MYBL1: variants seen among roughly 807,000 people sequenced by gnomAD.
MYBL1 encodes the protein myb-related protein A.
A neutral mutation model predicts 96.3 loss-of-function variants in MYBL1; 17 were observed. The observed-to-expected ratio is 0.18, with a 90% confidence interval of 0.12 to 0.26. The LOEUF (loss-of-function observed/expected upper bound fraction) is 0.26, where lower values mean the gene tolerates loss of function less well. Among genes scored for constraint, MYBL1 ranks in the 10% least tolerant of loss-of-function variants. The pLI is 1.00. For synonymous variants in MYBL1, 282 were observed against 292.7 expected (o/e 0.96, Z 0.37); for missense variants, 701 against 882.9 (o/e 0.79, Z 2.61).
intron 3 of MYBL1, among the ~76,000 whole-genome samples, chr8:66,599,852 T>C (rs1029389545): frequency 2.0e-5 from 3 of 151,840 alleles, no homozygotes; most frequent in Non-Finnish European, 4.4e-5. Flanking sequence ...TGGATTCACG[T>C]AGTTCAGCAG....
At position 66,613,024 on chromosome 8, in the gene MYBL1, A is replaced by C. The variant is rs1391780220; in HGVS notation, c.-186T>G. On this transcript the variant is annotated 5_prime_UTR_variant, in exon 1 of 16. Coordinates refer to ENST00000522677, the MANE Select transcript of MYBL1 (RefSeq NM_001080416.4). Reference sequence around the variant, plus strand: ...GACAGCGGGGGCGGACCGCGACCCGACCCCGACCCCGGCCCGCAGCGCCGC... The same window carrying C: ...GACAGCGGGGGCGGACCGCGACCCGCCCCCGACCCCGGCCCGCAGCGCCGC... 9 of 555,308 alleles carry C rather than the reference A, an allele frequency of 1.6e-5. No homozygotes were observed. The highest frequency in any genetic ancestry group is 2.5e-5 in the Non-Finnish European group (9 of 365,454). The allele number at this position is 555,308 out of a possible 1,614,324, so 34.4% of individuals were successfully genotyped here.
chr8:66,602,967 G>A (rs565383841), intron 1 of MYBL1, among the ~76,000 whole-genome samples: 11 of 151,028 alleles, frequency 7.3e-5, no homozygotes, highest in South Asian at 2.1e-4. Flanking sequence ...GGATGGTCTC[G>A]ATCTCCTGAC....
At chr8:66,597,896 CA>C (rs1326104587) in intron 4 of MYBL1, among the ~76,000 whole-genome samples, 1 of 40,176 alleles carries the variant, frequency 2.5e-5, no homozygotes, top group African/African-American at 8.5e-5. Context: ...AAGCAAAAAA[CA>C]AAAATACAAT....
chr8:66,598,592 C>A (rs1397195623), intron 4 of MYBL1, among the ~76,000 whole-genome samples: 2 of 152,114 alleles, frequency 1.3e-5, no homozygotes, highest in African/African-American at 2.4e-5. Context: ...AATCACAAAA[C>A]CTTTGGAAAC....
intron 8 of MYBL1, 79 bp from the exon 9 acceptor site, chr8:66,580,445 T>C: frequency 2.1e-6 from 2 of 958,414 alleles, no homozygotes; most frequent in Non-Finnish European, 3.1e-6. Context: ...ACATTTCAAT[T>C]AGGCTAAAAA....
Position 66,566,156 on chromosome 8 carries a change from C to A in MYBL1, c.2038G>T (p.Asp680Tyr), listed in dbSNP as rs934434762. The change falls in exon 15 of 16, where the codon GAT becomes TAT. Residue 680 changes from aspartate (D) to tyrosine (Y), a missense_variant. By Grantham distance (160) the Asp-to-Tyr change is radical. Around this residue, in one of 5 missense-constraint regions of MYBL1, gnomAD observed 137 missense variants for 137.5 expected, o/e 1.00. Coordinates refer to ENST00000522677, the MANE Select transcript of MYBL1 (RefSeq NM_001080416.4). ...NRCNLIPEKQ[D>Y]INSTNKTYTL... ...TATGTTTTGTTGGTTGAATTTATAT[C>A]TTGTTTTTCAGGAATCAAGTTGCAC... The A allele has an allele frequency of 3.9e-6, 6 of 1,538,402 alleles. No homozygotes were observed. The African/African-American group carries it at 8.2e-5, about 21-fold the overall frequency.
At chr8:66,568,303 G>A (rs1210411996) in intron 12 of MYBL1, among the ~76,000 whole-genome samples, 1 of 151,944 alleles carries the variant, frequency 6.6e-6, no homozygotes, top group Non-Finnish European at 1.5e-5. Context: ...TATTGAGATG[G>A]AATCTTGCTC....
chr8:66,579,940 A>G (rs1586566896), intron 9 of MYBL1, among the ~76,000 whole-genome samples, 193 bp downstream of exon 9: 1 of 152,262 alleles, frequency 6.6e-6, no homozygotes, highest in South Asian at 2.1e-4. Flanking sequence ...TTTAATTTTT[A>G]AAAATTCCTC....
At chr8:66,572,774 C>T (rs186987454) in intron 11 of MYBL1, among the ~76,000 whole-genome samples, 178 bp from the exon 12 acceptor site, 6 of 152,034 alleles carry the variant, frequency 3.9e-5, no homozygotes, top group Non-Finnish European at 8.8e-5. Flanking sequence ...TTCAATCAAT[C>T]ATCTTAAAAT....
chr8:66,604,970 G>A (rs1810254032), intron 1 of MYBL1, among the ~76,000 whole-genome samples: 1 of 152,054 alleles, frequency 6.6e-6, no homozygotes. Flanking sequence ...AAATACACAG[G>A]TGGATGTCTG....
chr8:66,573,565 A>G, intron 10 of MYBL1, 59 bp from the exon 11 acceptor site: 1 of 1,353,722 alleles, frequency 7.4e-7, no homozygotes, highest in East Asian at 2.4e-5. Flanking sequence ...CTACACAAAT[A>G]TTAAACTGAT....
intron 4 of MYBL1, among the ~76,000 whole-genome samples, 167 bp from the exon 5 acceptor site, chr8:66,597,717 A>ATGAGT (rs905590617): frequency 3.3e-5 from 5 of 152,084 alleles, no homozygotes; most frequent in African/African-American, 1.2e-4. Context: ...AGCTTCAAAA[A>ATGAGT]TTGATGCCAA....
Position 66,563,899 on chromosome 8 carries a change from A to T in MYBL1, c.*798T>A, listed in dbSNP as rs991095472. The stretch of plus-strand genomic sequence containing the variant: ...ACTGTGTTAGCTGTAATAACAGGAA[A>T]CAACATTGGCTTCTAGGCACCCTGT... On this transcript the variant is annotated 3_prime_UTR_variant, in exon 16 of 16. Coordinates refer to ENST00000522677, the MANE Select transcript of MYBL1 (RefSeq NM_001080416.4). The T allele has an allele frequency of 1.3e-5, 2 of 152,438 alleles. No individual in the cohort carries two copies. Among genetic ancestry groups the T allele is most frequent in the African/African-American group, 4.8e-5 (2 of 41,432 alleles). The allele number at this position is 152,438 out of a possible 1,614,324, so 9.4% of individuals were successfully genotyped here.
At position 66,576,024 on chromosome 8, in the gene MYBL1, G is replaced by T; in HGVS notation, c.1453C>A (p.Pro485Thr). ...ACCACTACCTGTGAAGGAGAAAATG[G>T]TAGTGTTTTCAGTGGTGTATGTTTT... ...ALKHTPLKTL[P>T]FSPSQFFNTC... is the part of the protein sequence containing the mutation. Residue 485 changes from proline to threonine, a missense_variant, in exon 10 of 16, where the codon CCA becomes ACA. By Grantham distance (38) the Pro-to-Thr change is conservative (BLOSUM62 -1). This residue lies in a region of MYBL1 where 396 missense variants were observed against 407.4 expected (regional missense o/e 0.97). Transcript: ENST00000522677. 1 of 1,612,498 alleles carries T rather than the reference G, an allele frequency of 6.2e-7. No individual in the cohort carries two copies. Among genetic ancestry groups the T allele is most frequent in the African/African-American group, 1.3e-5 (1 of 74,980 alleles).
Position 66,566,663 on chromosome 8 carries a change from CAAT to C in MYBL1, c.1950+18_1950+20del, listed in dbSNP as rs769862889. On this transcript the variant is annotated intron_variant, in intron 14 of 15. Coordinates refer to ENST00000522677, the MANE Select transcript of MYBL1 (RefSeq NM_001080416.4). ...TTAAAGCAACCATTTAAAATAACAA[CAAT>C]AATAATCCTTTACAAACCTGCATGT... is the stretch of plus-strand genomic sequence containing the variant. The C allele has an allele frequency of 2.8e-5, 42 of 1,486,438 alleles. No individual in the cohort carries two copies. The African/African-American group carries it at 5.5e-4, about 19-fold the overall frequency. 92.1% of individuals were successfully genotyped at this position (1,486,438 alleles called of 1,614,324 possible).
In MYBL1 at chr8:66,576,381, A is replaced by G. The variant is rs1456969053; in HGVS notation, c.1102-6T>C. On this transcript the variant is annotated splice_region_variant and splice_polypyrimidine_tract_variant and intron_variant, in intron 9 of 15. Coordinates refer to ENST00000522677, the MANE Select transcript of MYBL1 (RefSeq NM_001080416.4). ...TCACTCCATGCTACAGGATCCTGCA[A>G]TAAATTAAACTGTTAATAAAGTTAA... The G allele has an allele frequency of 1.9e-6, 3 of 1,593,352 alleles. No individual in the cohort carries two copies. The South Asian group carries it at 3.4e-5, about 18-fold the overall frequency.
intron 6 of MYBL1, among the ~76,000 whole-genome samples, chr8:66,594,962 G>A (rs143600653): frequency 1.3e-5 from 2 of 152,146 alleles, no homozygotes; most frequent in African/African-American, 4.8e-5. Context: ...AGGTAGACAG[G>A]GAAATGTAAA....
At chr8:66,608,575 G>A (rs971524615) in intron 1 of MYBL1, among the ~76,000 whole-genome samples, 1 of 152,016 alleles carries the variant, frequency 6.6e-6, no homozygotes, top group Non-Finnish European at 1.5e-5. Context: ...AAGAAAACAG[G>A]GAAAGGATAA....
intron 11 of MYBL1, 107 bp downstream of exon 11, chr8:66,573,257 G>T (rs1329821285): frequency 1.8e-6 from 2 of 1,116,014 alleles, no homozygotes. Context: ...TCTAAGTCCT[G>T]TAGGAATAGG....
Sources: allele counts gnomAD v4.1 joint callset (sites outside exome capture counted in the v4.1 genomes callset), GRCh38; gene constraint gnomAD v4.1.1; regional missense constraint gnomAD v4.1.1; transcripts MANE v1.5; gene names NCBI Gene and HGNC (gene_info 2026-07-23, HGNC 2026-07-21).